The following EFNA5 variants were observed in gnomAD, a reference collection of about 807,000 sequenced individuals.
EFNA5 encodes the protein ephrin-A5.
EFNA5 carries 5 observed loss-of-function variants against 22.9 expected under a neutral mutation model. The observed-to-expected ratio is 0.22, with a 90% CI of 0.11 to 0.46. EFNA5 has a LOEUF of 0.46. EFNA5 is among the 20% of genes least tolerant of loss of function. The probability of loss-of-function intolerance (pLI) is 0.99; values close to 1 mark genes in which losing one functional copy is unlikely to be tolerated. For synonymous variants in EFNA5, 113 were observed against 112.2 expected (o/e 1.01, Z -0.04); for missense variants, 237 against 293.3 (o/e 0.81, Z 1.40).
At chr5:107,620,721 G>A (rs891528552) in intron 1 of EFNA5, among the ~76,000 whole-genome samples, 1 of 152,126 alleles carries the variant, frequency 6.6e-6, no homozygotes, top group East Asian at 1.9e-4. Context: ...AAGAAAATAG[G>A]ATGGGGTAAA....
At chr5:107,469,216 C>A (rs1185854443) in intron 1 of EFNA5, among the ~76,000 whole-genome samples, 1 of 152,174 alleles carries the variant, frequency 6.6e-6, no homozygotes, top group Non-Finnish European at 1.5e-5. Context: ...ATCCATGAAG[C>A]TGTTCCCTGC....
At chr5:107,576,050 C>T (rs1748921153) in intron 1 of EFNA5, among the ~76,000 whole-genome samples, 1 of 152,168 alleles carries the variant, frequency 6.6e-6, no homozygotes. Context: ...AACACTCACC[C>T]AAGGATGCCA....
intron 1 of EFNA5, among the ~76,000 whole-genome samples, chr5:107,497,087 A>G (rs746811014): frequency 1.1e-4 from 17 of 152,214 alleles, no homozygotes; most frequent in Non-Finnish European, 1.9e-4. Flanking sequence ...TATTAAGACA[A>G]TTTGGGCCTA....
chr5:107,601,630 T>A (rs904305808), intron 1 of EFNA5, among the ~76,000 whole-genome samples: 14 of 152,194 alleles, frequency 9.2e-5, no homozygotes, highest in African/African-American at 3.4e-4. Flanking sequence ...TTAGAAAGAA[T>A]TGCCTGCAAC....
intron 1 of EFNA5, among the ~76,000 whole-genome samples, chr5:107,588,385 G>T (rs1749239931): frequency 6.6e-6 from 1 of 152,074 alleles, no homozygotes; most frequent in Admixed American, 6.5e-5. Context: ...TTCTTCAAGT[G>T]ATGTTCATCC....
intron 1 of EFNA5, among the ~76,000 whole-genome samples, chr5:107,511,230 T>A (rs1433201752): frequency 6.6e-6 from 1 of 152,158 alleles, no homozygotes; most frequent in Admixed American, 6.5e-5. Flanking sequence ...TTCACCATGT[T>A]GGTCAGGCTG....
chr5:107,565,684 C>T (rs150110064), intron 1 of EFNA5, among the ~76,000 whole-genome samples: 1 of 152,218 alleles, frequency 6.6e-6, no homozygotes, highest in Admixed American at 6.5e-5. Flanking sequence ...ATATTAAACA[C>T]AAAAGCCTGC....
chr5:107,386,786 T>C (rs1172811997), intron 4 of EFNA5, among the ~76,000 whole-genome samples: 2 of 152,232 alleles, frequency 1.3e-5, no homozygotes, highest in Non-Finnish European at 2.9e-5. Context: ...CTAAGTATGT[T>C]GAATTAGTTT....
chr5:107,583,241 A>T (rs1749106315), intron 1 of EFNA5, among the ~76,000 whole-genome samples: 2 of 152,228 alleles, frequency 1.3e-5, no homozygotes, highest in African/African-American at 4.8e-5. Flanking sequence ...CCTAAAAAAT[A>T]GAGCATCCTA....
intron 1 of EFNA5, among the ~76,000 whole-genome samples, chr5:107,550,282 A>G (rs1025347540): frequency 6.6e-6 from 1 of 152,250 alleles, no homozygotes; most frequent in African/African-American, 2.4e-5. Context: ...CAAGTTAATA[A>G]TTTAAAAGTT....
chr5:107,594,923 A>C (rs548907664), intron 1 of EFNA5, among the ~76,000 whole-genome samples: 53 of 152,358 alleles, frequency 3.5e-4, no homozygotes, highest in African/African-American at 1.2e-3. Context: ...CCTTCTGGCC[A>C]AAACAGCGGC....
intron 1 of EFNA5, among the ~76,000 whole-genome samples, chr5:107,489,663 C>A (rs542616912): frequency 2.1e-5 from 3 of 146,278 alleles, no homozygotes; most frequent in East Asian, 4.2e-4. Context: ...CCCACCTACC[C>A]CCCCCACCAA....
At chr5:107,667,172 T>C (rs1751094298) in intron 1 of EFNA5, among the ~76,000 whole-genome samples, 1 of 152,086 alleles carries the variant, frequency 6.6e-6, no homozygotes, top group South Asian at 2.1e-4. Flanking sequence ...TTTAGGCAAA[T>C]GTTATCATAT....
In EFNA5 at chr5:107,380,374, TAAAAAAAAAAAA is replaced by T. The variant is rs556075303; in HGVS notation, c.*869_*880del. On this transcript the variant is annotated 3_prime_UTR_variant, in exon 5 of 5. Coordinates refer to ENST00000333274, the MANE Select transcript of EFNA5 (RefSeq NM_001962.3). Reference sequence around the variant, plus strand: ...CATAAAAATGCCTCTTTGAGTTTCTTAAAAAAAAAAAAAAAAAAAAAAAAAAAAAAAAAAAAA... The same window carrying T: ...CATAAAAATGCCTCTTTGAGTTTCTTAAAAAAAAAAAAAAAAAAAAAAAAA... The T allele has an allele frequency of 2.3e-4, 11 of 47,462 alleles. No homozygotes were observed. Among genetic ancestry groups the T allele is most frequent in the East Asian group, 1.2e-3 (2 of 1,640 alleles). 2.9% of individuals were successfully genotyped at this position (47,462 alleles called of 1,614,324 possible). A position where few individuals can be genotyped will look rare whatever the true frequency, so the allele number is the denominator to read the frequency against.
At chr5:107,590,509 C>A (rs938728259) in intron 1 of EFNA5, among the ~76,000 whole-genome samples, 1 of 152,080 alleles carries the variant, frequency 6.6e-6, no homozygotes, top group Non-Finnish European at 1.5e-5. Context: ...CTGCCTCAGC[C>A]TCCCAAGTAA....
intron 1 of EFNA5, among the ~76,000 whole-genome samples, chr5:107,553,297 G>A (rs1049547516): frequency 1.3e-5 from 2 of 152,288 alleles, no homozygotes; most frequent in East Asian, 1.9e-4. Flanking sequence ...GCCATGGCTC[G>A]GCTGTGGAAA....
intron 1 of EFNA5, among the ~76,000 whole-genome samples, chr5:107,564,694 C>A (rs559319459): frequency 1.8e-4 from 27 of 146,620 alleles, no homozygotes; most frequent in Non-Finnish European, 3.9e-4. Context: ...CAGGTCCCTG[C>A]AGGGCTTCTT....
chr5:107,660,267 T>TATATATAC (rs1409351404), intron 1 of EFNA5, among the ~76,000 whole-genome samples: 1 of 17,188 alleles, frequency 5.8e-5, no homozygotes, highest in Non-Finnish European at 9.4e-5. Context: ...AAAACATATA[T>TATATATAC]ATATATATAT....
At chr5:107,660,867 T>G (rs1453007988) in intron 1 of EFNA5, among the ~76,000 whole-genome samples, 1 of 152,160 alleles carries the variant, frequency 6.6e-6, no homozygotes, top group Non-Finnish European at 1.5e-5. Flanking sequence ...CACCACTATT[T>G]GAACTGTACC....
Sources: allele counts gnomAD v4.1 joint callset (sites outside exome capture counted in the v4.1 genomes callset), GRCh38; gene constraint gnomAD v4.1.1; transcripts MANE v1.5; gene names NCBI Gene and HGNC (gene_info 2026-07-23, HGNC 2026-07-21).